YTHDC1: variants seen among roughly 807,000 people sequenced by gnomAD.
YTHDC1 encodes the protein YTH domain-containing protein 1.
A neutral mutation model predicts 107.0 loss-of-function variants in YTHDC1; 12 were observed. The ratio of observed to expected loss-of-function variants is 0.11; its 90% CI spans 0.07 to 0.18. The LOEUF (loss-of-function observed/expected upper bound fraction) is 0.18, where lower values mean the gene tolerates loss of function less well. YTHDC1 is among the 10% of genes least tolerant of loss of function. YTHDC1 has a pLI of 1.00. For synonymous variants in YTHDC1, 280 were observed against 289.5 expected, an observed-to-expected ratio of 0.97 and a Z score of 0.33; for missense variants, 635 against 898.8, an observed-to-expected ratio of 0.71 and a Z score of 3.75.
intron 2 of YTHDC1, 80 bp downstream of exon 2, chr4:68,338,196 CAAAAAAG>C: frequency 1.5e-6 from 2 of 1,377,780 alleles, no homozygotes; most frequent in Non-Finnish European, 2.0e-6. Context: ...GGAACAAGCA[CAAAAAAG>C]CACAGTCATT....
At chr4:68,338,050 T>C in intron 2 of YTHDC1, 150 bp from the exon 3 acceptor site, 1 of 1,455,514 alleles carries the variant, frequency 6.9e-7, no homozygotes, top group Admixed American at 2.9e-5. Flanking sequence ...CCAGAGTTAA[T>C]CTAAAAGAAA....
chr4:68,346,418 C>T (rs1164206926), intron 1 of YTHDC1, among the ~76,000 whole-genome samples: 1 of 152,094 alleles, frequency 6.6e-6, no homozygotes, highest in African/African-American at 2.4e-5. Flanking sequence ...ACAGTAGTCC[C>T]TCACTTATCC....
intron 1 of YTHDC1, among the ~76,000 whole-genome samples, chr4:68,339,709 T>C (rs764421033): frequency 1.3e-5 from 2 of 152,298 alleles, no homozygotes; most frequent in Middle Eastern, 3.4e-3. Flanking sequence ...CTTGTAGCTA[T>C]TATGCTTATC....
At chr4:68,341,346 G>GA (rs1724780697) in intron 1 of YTHDC1, among the ~76,000 whole-genome samples, 1 of 152,144 alleles carries the variant, frequency 6.6e-6, no homozygotes, top group Admixed American at 6.5e-5. Flanking sequence ...TAGTGCACCA[G>GA]AAAGCTCTAT....
In YTHDC1 at chr4:68,349,733, C is replaced by T. The variant is rs745830351; in HGVS notation, c.21G>A (p.Glu7=). The part of the protein sequence containing the change: MAADSR[E]EKDGELNVLD... ...ATCTTTCTCCGCACTAACCTTTCTC[C>T]TCCCGACTGTCAGCCGCCATGGCTC... Residue 7 remains glutamate (E), a synonymous_variant, in exon 1 of 17, where the codon GAG becomes GAA. Coordinates refer to ENST00000344157, the MANE Select transcript of YTHDC1 (RefSeq NM_001031732.4). 2 of 1,613,446 alleles carry T rather than the reference C, an allele frequency of 1.2e-6. No individual in the cohort carries two copies. Among genetic ancestry groups the T allele is most frequent in the East Asian group, 4.5e-5 (2 of 44,792 alleles).
intron 16 of YTHDC1, 54 bp from the exon 17 acceptor site, chr4:68,314,377 T>C (rs915745921): frequency 6.7e-7 from 1 of 1,490,522 alleles, no homozygotes; most frequent in African/African-American, 1.4e-5. Context: ...TAGTGTTAAG[T>C]GGATCCCTGA....
In YTHDC1 at chr4:68,313,389, C is replaced by T. The variant is rs929788760; in HGVS notation, c.*710G>A. 2.0e-5 allele frequency: 3 copies of T among 152,636 alleles called. No homozygotes were observed. Among genetic ancestry groups the T allele is most frequent in the African/African-American group, 7.2e-5 (3 of 41,456 alleles). The allele number at this position is 152,636 out of a possible 1,614,324, so 9.5% of individuals were successfully genotyped here. A position where few individuals can be genotyped will look rare whatever the true frequency, so the allele number is the denominator to read the frequency against. ...TGTAGAATATGGGAATCGTCTTCCGCTGCCACGCACGCAAGTTGTGAACAT... is the reference window on the plus strand; with the variant it reads ...TGTAGAATATGGGAATCGTCTTCCGTTGCCACGCACGCAAGTTGTGAACAT... On this transcript the variant is annotated 3_prime_UTR_variant, in exon 17 of 17. Coordinates refer to ENST00000344157, the MANE Select transcript of YTHDC1 (RefSeq NM_001031732.4).
chr4:68,341,739 C>T (rs1051369066), intron 1 of YTHDC1, among the ~76,000 whole-genome samples: 1 of 152,084 alleles, frequency 6.6e-6, no homozygotes, highest in African/African-American at 2.4e-5. Context: ...TATATATACA[C>T]TGGAATATAA....
In YTHDC1 at chr4:68,322,649, C is replaced by G; in HGVS notation, c.1601+100G>C. On this transcript the variant is annotated intron_variant, in intron 11 of 16. Coordinates refer to ENST00000344157, the MANE Select transcript of YTHDC1 (RefSeq NM_001031732.4). The surrounding 1 kb of genome is among the most constrained non-coding windows in gnomAD (Gnocchi z 4.8). ...ATGCAGCTTGATTTGAGGATTTTCTCTTTCTTCTTTACCGCAGGACAAACT... is the reference window on the plus strand; with the variant it reads ...ATGCAGCTTGATTTGAGGATTTTCTGTTTCTTCTTTACCGCAGGACAAACT... 1 of 1,393,532 alleles carries G rather than the reference C, an allele frequency of 7.2e-7. No individual in the cohort carries two copies. Among genetic ancestry groups the G allele is most frequent in the Non-Finnish European group, 9.6e-7 (1 of 1,040,516 alleles). The allele number at this position is 1,393,532 out of a possible 1,614,324, so 86.3% of individuals were successfully genotyped here.
At chr4:68,317,978 T>C (rs115736932) in intron 15 of YTHDC1, among the ~76,000 whole-genome samples, 5,134 of 152,268 alleles carry the variant, frequency 0.034, 92 homozygotes, top group Middle Eastern at 0.065. Flanking sequence ...CAAGCGGACT[T>C]TGCACTACTA....
chr4:68,332,417 C>T (rs769222229), intron 6 of YTHDC1, among the ~76,000 whole-genome samples: 5 of 151,908 alleles, frequency 3.3e-5, no homozygotes, highest in African/African-American at 9.7e-5. Context: ...AGTGATGTTC[C>T]GATATATCAA....
At chr4:68,343,543 A>ATTTT (rs1553907386) in intron 1 of YTHDC1, among the ~76,000 whole-genome samples, 13 of 107,332 alleles carry the variant, frequency 1.2e-4, no homozygotes, top group African/African-American at 4.7e-4. Flanking sequence ...AAAAAAAAAA[A>ATTTT]TTTTTTTTTT....
Position 68,313,614 on chromosome 4 carries a change from A to T in YTHDC1, c.*485T>A, listed in dbSNP as rs1721488817. 1 of 153,586 alleles carries T rather than the reference A, an allele frequency of 6.5e-6. No individual in the cohort carries two copies. Among genetic ancestry groups the T allele is most frequent in the African/African-American group, 2.4e-5 (1 of 41,464 alleles). 9.5% of individuals were successfully genotyped at this position (153,586 alleles called of 1,614,324 possible). A position where few individuals can be genotyped will look rare whatever the true frequency, so the allele number is the denominator to read the frequency against. On this transcript the variant is annotated 3_prime_UTR_variant, in exon 17 of 17. Transcript: ENST00000344157. ...AAAAAAAGAGGCAATGGGGAAAAAA[A>T]CAAGAGGCTGCTACAACACTGCCAT...
chr4:68,327,345 T>C (rs1723105944), intron 9 of YTHDC1, among the ~76,000 whole-genome samples: 1 of 152,196 alleles, frequency 6.6e-6, no homozygotes, highest in East Asian at 1.9e-4. Context: ...TAACTCTGGA[T>C]GAATAGTATT....
chr4:68,332,249 A>G, intron 6 of YTHDC1, 52 bp from the exon 7 acceptor site: 1 of 1,304,980 alleles, frequency 7.7e-7, no homozygotes, highest in South Asian at 1.3e-5. Flanking sequence ...TATCACACAA[A>G]GGGGTCAAAA....
At chr4:68,330,852 G>C (rs1270585219) in intron 7 of YTHDC1, among the ~76,000 whole-genome samples, 2 of 152,082 alleles carry the variant, frequency 1.3e-5, no homozygotes, top group Non-Finnish European at 2.9e-5. Context: ...GAAGATATTT[G>C]TTAATTTCTA....
rs75757426 is a variant in YTHDC1, at chr4:68,344,336, C to A, written c.28+5390G>T. 3.6e-5 allele frequency among the ~76,000 whole-genome samples: 5 copies of A among 138,904 alleles called. No individual in the cohort carries two copies. In the East Asian group the frequency reaches 1.2e-3, roughly 33 times the overall value. 91.1% of individuals were successfully genotyped at this position (138,904 alleles called of 152,430 possible). ...AACACTGATCTTAAACTTGAAAAAACCCAAGGCTCAGTTTAATACACTAAG... is the reference window on the plus strand; with the variant it reads ...AACACTGATCTTAAACTTGAAAAAAACCAAGGCTCAGTTTAATACACTAAG... On this transcript the variant is annotated intron_variant, in intron 1 of 16. Transcript: ENST00000344157.
At chr4:68,325,814 A>G (rs572474469) in intron 9 of YTHDC1, among the ~76,000 whole-genome samples, 8 of 152,298 alleles carry the variant, frequency 5.3e-5, no homozygotes, top group African/African-American at 1.4e-4. Context: ...ATATATATAC[A>G]TGGAAGAGTG....
At chr4:68,317,669 A>C (rs544870803) in intron 15 of YTHDC1, among the ~76,000 whole-genome samples, 121 of 152,340 alleles carry the variant, frequency 7.9e-4, no homozygotes, top group African/African-American at 2.5e-3. Flanking sequence ...AGTGAGTATT[A>C]GATCAGGCAC....
Sources: allele counts gnomAD v4.1 joint callset (sites outside exome capture counted in the v4.1 genomes callset), GRCh38; gene constraint gnomAD v4.1.1; non-coding constraint Gnocchi (gnomAD v3.1); transcripts MANE v1.5; gene names NCBI Gene and HGNC (gene_info 2026-07-23, HGNC 2026-07-21).